Variants in CASZ1 observed in about 807,000 individuals in gnomAD.
CASZ1 encodes the protein castor zinc finger 1, also known as zinc finger protein castor homolog 1.
In CASZ1, 28 loss-of-function variants were observed where a neutral mutation model predicts 135.2. The observed-to-expected ratio is 0.21, with a 90% confidence interval of 0.15 to 0.28. The LOEUF is 0.28. CASZ1 is among the 10% of genes least tolerant of loss of function. The pLI, the probability that CASZ1 is intolerant of heterozygous loss-of-function variation, is 1.00. For missense variants in CASZ1, 2,161 were observed against 2,453.3 expected (o/e 0.88, Z 2.52); for synonymous variants, 1,068 against 1,073.4 (o/e 0.99, Z 0.10).
chr1:10,661,059 C>T (rs1315584018), intron 5 of CASZ1: 1 of 174,432 alleles, frequency 5.7e-6, no homozygotes, highest in Non-Finnish European at 1.2e-5. Flanking sequence ...CAAATGGATC[C>T]CCTGGGCAGA....
intron 1 of CASZ1, among the ~76,000 whole-genome samples, chr1:10,763,565 G>T (rs938874330): frequency 6.6e-6 from 1 of 152,188 alleles, no homozygotes; most frequent in South Asian, 2.1e-4. Context: ...AATCTACCCC[G>T]GGTGGCCCCA....
At chr1:10,689,825 C>G (rs1038091395) in intron 4 of CASZ1, among the ~76,000 whole-genome samples, 3 of 152,246 alleles carry the variant, frequency 2.0e-5, no homozygotes, top group Admixed American at 6.5e-5. Flanking sequence ...GGGAGTCAGA[C>G]AGCTGAAGAT....
Position 10,699,356 on chromosome 1 carries a change from T to A in CASZ1, c.-23-5444A>T, listed in dbSNP as rs891724084. ...GGCCACAACCCCAAACAGTAGCCCCTCCTCTTCCCCCAACCCCCACATCCC... is the reference window on the plus strand; with the variant it reads ...GGCCACAACCCCAAACAGTAGCCCCACCTCTTCCCCCAACCCCCACATCCC... On this transcript the variant is annotated intron_variant, in intron 3 of 20. Coordinates refer to ENST00000377022, the MANE Select transcript of CASZ1 (RefSeq NM_001079843.3). The surrounding 1 kb of genome is among the most constrained non-coding windows in gnomAD (Gnocchi z 4.6). Among the ~76,000 whole-genome samples the A allele has an allele frequency of 6.6e-6, 1 of 152,090 alleles. No individual in the cohort carries two copies. Among genetic ancestry groups the A allele is most frequent in the Non-Finnish European group, 1.5e-5 (1 of 68,004 alleles).
intron 18 of CASZ1, 98 bp from the exon 19 acceptor site, chr1:10,643,409 G>C: frequency 3.0e-6 from 4 of 1,315,790 alleles, no homozygotes; most frequent in Admixed American, 4.1e-5. Context: ...GGGCAGTGTG[G>C]TCAGTAAGGC....
rs1334721825 is a variant in CASZ1 at position 10,726,874 on chromosome 1, G to A, written c.-76-21330C>T. ...TCCCTGGCCTGCTCCGTGTCCTGGG[G>A]GAAATGGTTCAGGGAATGAATCAGC... On this transcript the variant is annotated intron_variant, in intron 2 of 20. Coordinates refer to ENST00000377022, the MANE Select transcript of CASZ1 (RefSeq NM_001079843.3). This position sits in a 1 kb window ranked among gnomAD's most constrained non-coding sequence, Gnocchi z 5.7. Among the ~76,000 whole-genome samples, 4 of 152,108 alleles carry A rather than the reference G, an allele frequency of 2.6e-5. No homozygotes were observed. The highest frequency in any genetic ancestry group is 9.7e-5 in the African/African-American group (4 of 41,404).
At chr1:10,660,648 G>T in intron 5 of CASZ1, 112 bp from the exon 6 acceptor site, 1 of 737,094 alleles carries the variant, frequency 1.4e-6, no homozygotes, top group Non-Finnish European at 2.2e-6. Context: ...GGGGAGGGGC[G>T]GAGCAGGACA....
chr1:10,748,579 T>C (rs762824910), intron 2 of CASZ1, among the ~76,000 whole-genome samples: 5 of 152,150 alleles, frequency 3.3e-5, no homozygotes, highest in Non-Finnish European at 7.4e-5. Flanking sequence ...GCAACTCAGG[T>C]CAGCCTGGTT....
chr1:10,729,152 C>T (rs1016439411), intron 2 of CASZ1, among the ~76,000 whole-genome samples: 4 of 152,114 alleles, frequency 2.6e-5, no homozygotes, highest in South Asian at 2.1e-4. Context: ...GCGGCTCCTG[C>T]CCCCCAGGCC....
intron 1 of CASZ1, among the ~76,000 whole-genome samples, chr1:10,766,204 G>GCA (rs143572570): frequency 0.067 from 9,966 of 148,524 alleles, 385 homozygotes; most frequent in Middle Eastern, 0.11. Context: ...TTCAGCACGT[G>GCA]CACACACACA....
chr1:10,752,519 G>A (rs754294288), intron 2 of CASZ1, among the ~76,000 whole-genome samples: 8 of 152,154 alleles, frequency 5.3e-5, no homozygotes, highest in South Asian at 2.1e-4. Flanking sequence ...AGTGGCCGGC[G>A]TTTGCCTCCA....
intron 4 of CASZ1, among the ~76,000 whole-genome samples, chr1:10,688,811 GC>G (rs369304994): frequency 6.1e-4 from 93 of 152,306 alleles, no homozygotes; most frequent in African/African-American, 2.2e-3. Flanking sequence ...GGTGGTCCCG[GC>G]GAGGCTGCCC....
At chr1:10,649,574 A>T (rs1642492937) in intron 13 of CASZ1, 137 bp from the exon 14 acceptor site, 1 of 1,015,824 alleles carries the variant, frequency 9.8e-7, no homozygotes, top group South Asian at 1.7e-5. Flanking sequence ...CGGCCCGCCT[A>T]CTTGGCTCTG....
In CASZ1 at chr1:10,741,092, A is replaced by C. The variant is rs1427542235; in HGVS notation, c.-77+19609T>G. On this transcript the variant is annotated intron_variant, in intron 2 of 20. Coordinates refer to ENST00000377022, the MANE Select transcript of CASZ1 (RefSeq NM_001079843.3). The surrounding 1 kb of genome is among the most constrained non-coding windows in gnomAD (Gnocchi z 5.0). ...ATTGCAACCTCCGTTTCCTGGGTTC[A>C]AGTGATTCTCCTGCCTCAGCCTCCC... 6.6e-6 allele frequency among the ~76,000 whole-genome samples: 1 copy of C among 151,598 alleles called. No homozygotes were observed. Among genetic ancestry groups the C allele is most frequent in the Non-Finnish European group, 1.5e-5 (1 of 67,994 alleles).
At chr1:10,765,198 T>C (rs1640451526) in intron 1 of CASZ1, among the ~76,000 whole-genome samples, 2 of 151,948 alleles carry the variant, frequency 1.3e-5, no homozygotes, top group Admixed American at 6.5e-5. Context: ...GGGAGGCGCC[T>C]ATCATCTCCC....
rs1224559552 is a variant in CASZ1 at position 10,703,081 on chromosome 1, G to A, written c.-24+2411C>T. 5.3e-5 allele frequency among the ~76,000 whole-genome samples: 8 copies of A among 152,068 alleles called. No homozygotes were observed. In the South Asian group the frequency reaches 1.7e-3, roughly 32 times the overall value. ...AGAGGAGGCCTGGAGGGGAAAGAGA[G>A]ATGGACAAAAGGCCAGGAGCCCTCA... On this transcript the variant is annotated intron_variant, in intron 3 of 20. Coordinates refer to ENST00000377022, the MANE Select transcript of CASZ1 (RefSeq NM_001079843.3).
Position 10,676,495 on chromosome 1 carries a change from G to T in CASZ1, c.17-10924C>A, listed in dbSNP as rs559561766. ...CAAAGAAGACACCAAGAGCCCCCGG[G>T]GAGGCCTCTCCACCATCCTCTGAAC... On this transcript the variant is annotated intron_variant, in intron 4 of 20. Coordinates refer to ENST00000377022, the MANE Select transcript of CASZ1 (RefSeq NM_001079843.3). This position sits in a 1 kb window ranked among gnomAD's most constrained non-coding sequence, Gnocchi z 4.5. 8.0e-4 allele frequency among the ~76,000 whole-genome samples: 122 copies of T among 152,116 alleles called. No individual in the cohort carries two copies. Among genetic ancestry groups the T allele is most frequent in the African/African-American group, 2.8e-3 (116 of 41,494 alleles).
intron 17 of CASZ1, among the ~76,000 whole-genome samples, chr1:10,645,357 C>T (rs1173986519): frequency 1.3e-5 from 2 of 152,178 alleles, no homozygotes; most frequent in East Asian, 1.9e-4. Context: ...GGTGAAACCC[C>T]GTCTCTACTA....
At chr1:10,773,919 T>G (rs1640617395) in intron 1 of CASZ1, among the ~76,000 whole-genome samples, 1 of 152,172 alleles carries the variant, frequency 6.6e-6, no homozygotes, top group African/African-American at 2.4e-5. Flanking sequence ...GGGCCTCACC[T>G]CTCCAGAGAT....
rs990700877 is a variant in CASZ1, at chr1:10,777,058, T to G, written c.-233-16201A>C. On this transcript the variant is annotated intron_variant, in intron 1 of 20. Transcript: ENST00000377022. This position sits in a 1 kb window ranked among gnomAD's most constrained non-coding sequence, Gnocchi z 4.4. ...GTTTCCAAATGGCTCAAATACTGGG[T>G]CCTAGTTCCAGATCTGTCACTGACT... Among the ~76,000 whole-genome samples, 1 of 151,840 alleles carries G rather than the reference T, an allele frequency of 6.6e-6. No homozygotes were observed. The highest frequency in any genetic ancestry group is 2.4e-5 in the African/African-American group (1 of 41,302).
Sources: gnomAD v4.1 joint callset for allele counts (sites outside exome capture counted in the v4.1 genomes callset) on GRCh38, gnomAD v4.1.1 for gene constraint, Gnocchi (gnomAD v3.1) non-coding constraint, MANE v1.5 for transcripts, NCBI Gene and HGNC (gene_info 2026-07-23, HGNC 2026-07-21) for gene names.